Variants in CHD1L observed in about 807,000 individuals in gnomAD.
The protein encoded by CHD1L is ATP-dependent chromatin remodeler CHD1L.
Under a neutral mutation model 115.9 loss-of-function variants are expected in CHD1L, and 118 were observed. The ratio of observed to expected loss-of-function variants is 1.02; its 90% CI spans 0.88 to 1.19. CHD1L has a LOEUF of 1.19. Among genes scored for constraint, CHD1L ranks in the 50% most tolerant of loss-of-function variants. The pLI is 0.00. For missense variants in CHD1L, 1,179 were observed against 1,065.3 expected (o/e 1.11, Z -1.49); for synonymous variants, 411 against 387.1 (o/e 1.06, Z -0.72).
chr1:147,286,601 A>G, intron 18 of CHD1L, 101 bp downstream of exon 18: 2 of 959,762 alleles, frequency 2.1e-6, no homozygotes, highest in East Asian at 2.4e-5. Flanking sequence ...GTCCCAGTGT[A>G]GTATTGTACA....
chr1:147,264,984 C>A (rs1304836010), intron 7 of CHD1L, among the ~76,000 whole-genome samples: 3 of 152,178 alleles, frequency 2.0e-5, no homozygotes, highest in Non-Finnish European at 4.4e-5. Flanking sequence ...ACTGGTATTT[C>A]TTTTAATGCT....
intron 12 of CHD1L, among the ~76,000 whole-genome samples, chr1:147,274,629 A>G (rs587635818): frequency 0.02 from 2,883 of 147,212 alleles, 93 homozygotes; most frequent in African/African-American, 0.067. Context: ...CTCTTAATTA[A>G]TTCCTGTAAC....
intron 9 of CHD1L, among the ~76,000 whole-genome samples, chr1:147,267,940 A>G (rs1234254105): frequency 2.6e-5 from 4 of 152,296 alleles, no homozygotes; most frequent in Admixed American, 2.6e-4. Flanking sequence ...GAATTGACTC[A>G]GTCAGCCTTT....
At chr1:147,188,763 T>TA in the CHD1L span, among the ~76,000 whole-genome samples, 45 of 140,484 alleles carry the variant, frequency 3.2e-4, no homozygotes, top group Admixed American at 5.7e-4. Context: ...TTTCAGAAGT[T>TA]AAAAAAAAAA....
chr1:147,283,016 A>G (rs1052798704), intron 15 of CHD1L, among the ~76,000 whole-genome samples: 2 of 152,196 alleles, frequency 1.3e-5, no homozygotes, highest in African/African-American at 2.4e-5. Context: ...ATATAAGTGG[A>G]TAGGAAAGAC....
At chr1:147,237,119 C>T in the CHD1L span, among the ~76,000 whole-genome samples, 1 of 152,192 alleles carries the variant, frequency 6.6e-6, no homozygotes, top group Non-Finnish European at 1.5e-5. Context: ...GTCAGTGCTG[C>T]CTGGAGTGGG....
At chr1:147,242,668 C>T (rs781957870), upstream of CHD1L, 8 of 1,262,932 alleles carry the variant, frequency 6.3e-6, no homozygotes, top group Non-Finnish European at 8.0e-6. Context: ...GGGAGGTGCG[C>T]GCTTGGCCGC....
At chr1:147,273,655 A>G (rs1261445184) in intron 12 of CHD1L, among the ~76,000 whole-genome samples, 2 of 152,304 alleles carry the variant, frequency 1.3e-5, no homozygotes, top group African/African-American at 4.8e-5. Context: ...TGATTTCATC[A>G]TCCTCATATT....
At chr1:147,244,462 A>G (rs1233075972) in intron 1 of CHD1L, among the ~76,000 whole-genome samples, 16 of 125,150 alleles carry the variant, frequency 1.3e-4, no homozygotes, top group African/African-American at 4.0e-4. Flanking sequence ...ATTCTTCATG[A>G]GTTGGTTAAA....
At chr1:147,179,595 C>T in the CHD1L span, 11 of 1,580,592 alleles carry the variant, frequency 7.0e-6, no homozygotes, top group Admixed American at 3.3e-5. Context: ...AGAAGAAAAA[C>T]CCAAGAAGAA....
chr1:147,286,248 G>A, intron 17 of CHD1L, 50 bp from the exon 18 acceptor site: 1 of 1,576,994 alleles, frequency 6.3e-7, no homozygotes, highest in Non-Finnish European at 8.7e-7. Flanking sequence ...TGCTCCAAGG[G>A]AAATTGTGAT....
At chr1:147,263,045 A>G (rs891629528) in intron 6 of CHD1L, among the ~76,000 whole-genome samples, 3 of 152,180 alleles carry the variant, frequency 2.0e-5, no homozygotes, top group Non-Finnish European at 2.9e-5. Flanking sequence ...ACATACATGT[A>G]TGTAAATGTG....
chr1:147,206,287 G>A, the CHD1L span, among the ~76,000 whole-genome samples: 2 of 151,986 alleles, frequency 1.3e-5, no homozygotes, highest in African/African-American at 4.8e-5. Flanking sequence ...GAGAGGATGT[G>A]GAGAAATAGG....
chr1:147,188,621 A>G, the CHD1L span, among the ~76,000 whole-genome samples: 1 of 151,782 alleles, frequency 6.6e-6, no homozygotes, highest in South Asian at 2.1e-4. Context: ...AAATAAACTC[A>G]TATAAAACAA....
chr1:147,193,261 T>C, the CHD1L span, among the ~76,000 whole-genome samples: 2 of 152,212 alleles, frequency 1.3e-5, no homozygotes, highest in African/African-American at 4.8e-5. Flanking sequence ...TTGAGGAATT[T>C]ATCCGTTTCT....
rs1360058817 is a variant in CHD1L, at chr1:147,291,153, C to T, written c.2321-329C>T. 3.3e-5 allele frequency among the ~76,000 whole-genome samples: 5 copies of T among 152,148 alleles called. No homozygotes were observed. In the South Asian group the frequency reaches 1.0e-3, roughly 32 times the overall value. ...TAATTTGAATGATTTAGGACAAGCA[C>T]AAAACTACCAAAGGAATTTCAAGCT... On this transcript the variant is annotated intron_variant, in intron 19 of 22. Coordinates refer to ENST00000369258, the MANE Select transcript of CHD1L (RefSeq NM_004284.6).
intron 17 of CHD1L, among the ~76,000 whole-genome samples, chr1:147,285,731 C>T (rs1682840058): frequency 6.6e-6 from 1 of 152,034 alleles, no homozygotes; most frequent in Non-Finnish European, 1.5e-5. Context: ...TGGGTTCTTG[C>T]TCTGTTACCC....
At chr1:147,195,641 A>G in the CHD1L span, among the ~76,000 whole-genome samples, 1 of 152,174 alleles carries the variant, frequency 6.6e-6, no homozygotes, top group Non-Finnish European at 1.5e-5. Context: ...GCTTAATAGT[A>G]TTTAAGCCAG....
chr1:147,248,957 C>T (rs144095012), intron 1 of CHD1L, among the ~76,000 whole-genome samples: 4 of 152,152 alleles, frequency 2.6e-5, no homozygotes, highest in African/African-American at 4.8e-5. Flanking sequence ...TTTGCTTCAG[C>T]GGTCAAACAT....
Sources: gnomAD v4.1 joint callset for allele counts (sites outside exome capture counted in the v4.1 genomes callset) on GRCh38, gnomAD v4.1.1 for gene constraint, MANE v1.5 for transcripts, NCBI Gene and HGNC (gene_info 2026-07-23, HGNC 2026-07-21) for gene names.